Variants in PAX2 observed in about 807,000 individuals in gnomAD.
PAX2 encodes paired box protein Pax-2.
A neutral mutation model predicts 41.7 loss-of-function variants in PAX2; 9 were observed. The ratio of observed to expected loss-of-function variants is 0.22; its 90% CI spans 0.13 to 0.38. PAX2 has a LOEUF of 0.38. Ranked by LOEUF, PAX2 falls within the 10% of genes least tolerant of loss-of-function variation. The probability of loss-of-function intolerance (pLI) is 1.00; values close to 1 mark genes in which losing one functional copy is unlikely to be tolerated. For synonymous variants in PAX2, 221 were observed against 212.7 expected (o/e 1.04, Z -0.34); for missense variants, 418 against 531.6 (o/e 0.79, Z 2.10).
intron 3 of PAX2, among the ~76,000 whole-genome samples, chr10:100,756,918 G>T (rs2133849705): frequency 6.6e-6 from 1 of 152,284 alleles, no homozygotes; most frequent in South Asian, 2.1e-4. Context: ...AGGGGAAAGG[G>T]CTCCTGAAAC....
intron 7 of PAX2, among the ~76,000 whole-genome samples, chr10:100,823,513 A>T (rs1848437217): frequency 2.6e-5 from 4 of 152,186 alleles, no homozygotes; most frequent in Non-Finnish European, 5.9e-5. Context: ...AGCTGATGAA[A>T]AGAAAGTGAA....
intron 7 of PAX2, among the ~76,000 whole-genome samples, chr10:100,823,471 A>C (rs928635321): frequency 1.3e-5 from 2 of 152,194 alleles, no homozygotes; most frequent in African/African-American, 4.8e-5. Context: ...GATGCTTTGG[A>C]ATAGCCATTG....
At position 100,747,094 on chromosome 10, in the gene PAX2, AT is replaced by A. The variant is rs1333285920; in HGVS notation, c.43+792del. 4.6e-5 allele frequency: 7 copies of A among 152,384 alleles called. No homozygotes were observed. In the East Asian group the frequency reaches 1.4e-3, roughly 29 times the overall value. The allele number at this position is 152,384 out of a possible 1,614,324, so 9.4% of individuals were successfully genotyped here. A position where few individuals can be genotyped will look rare whatever the true frequency, so the allele number is the denominator to read the frequency against. ...AAACAAAGAGGGGCTCCGAGAAGAA[AT>A]CGAAGTCAGGGAGAGAGCCAGCAGC... On this transcript the variant is annotated intron_variant, in intron 1 of 9. Transcript: ENST00000355243.
In PAX2 at chr10:100,826,891, C is replaced by A; in HGVS notation, c.1022-118C>A. ...CCGCCCGCCACGGCCATTACCCTGC[C>A]CGCGACACCTGCGCCTGAGACCCGG... On this transcript the variant is annotated intron_variant, in intron 8 of 9. Transcript: ENST00000355243. This position sits in a 1 kb window ranked among gnomAD's most constrained non-coding sequence, Gnocchi z 5.5. The A allele has an allele frequency of 1.3e-6, 1 of 743,326 alleles. No individual in the cohort carries two copies. The highest frequency in any genetic ancestry group is 2.4e-6 in the Non-Finnish European group (1 of 417,548). The allele number at this position is 743,326 out of a possible 1,614,324, so 46.0% of individuals were successfully genotyped here. A position where few individuals can be genotyped will look rare whatever the true frequency, so the allele number is the denominator to read the frequency against.
intron 1 of PAX2, among the ~76,000 whole-genome samples, chr10:100,746,787 T>C (rs1247151285): frequency 2.0e-5 from 3 of 152,124 alleles, no homozygotes; most frequent in African/African-American, 7.2e-5. Flanking sequence ...AACTTAAGAG[T>C]CGTGGGGTCC....
In PAX2 at chr10:100,824,837, G is replaced by A; in HGVS notation, c.1021+88G>A. ...TGAATGGTCTGTAGTCTGAGGCTGG[G>A]GTGGGGGGAGACACAACGTCCCCTC... is the stretch of plus-strand genomic sequence containing the variant. On this transcript the variant is annotated intron_variant, in intron 8 of 9. Coordinates refer to ENST00000355243, the MANE Select transcript of PAX2 (RefSeq NM_000278.5). The surrounding 1 kb of genome is among the most constrained non-coding windows in gnomAD (Gnocchi z 6.6). 2.7e-5 allele frequency: 41 copies of A among 1,514,342 alleles called. No individual in the cohort carries two copies. In the South Asian group the frequency reaches 4.5e-4, roughly 17 times the overall value. 93.8% of individuals were successfully genotyped at this position (1,514,342 alleles called of 1,614,324 possible). A position where few individuals can be genotyped will look rare whatever the true frequency, so the allele number is the denominator to read the frequency against.
At chr10:100,771,806 ATCT>A (rs1846219260) in intron 3 of PAX2, among the ~76,000 whole-genome samples, 1 of 146,792 alleles carries the variant, frequency 6.8e-6, no homozygotes, top group Admixed American at 6.8e-5. Context: ...TGAAGCAAAT[ATCT>A]TCTTTTTTTT....
chr10:100,780,439 C>T (rs1243750631), intron 4 of PAX2, among the ~76,000 whole-genome samples: 1 of 152,174 alleles, frequency 6.6e-6, no homozygotes, highest in Non-Finnish European at 1.5e-5. Context: ...GCAGTTGTCT[C>T]CTTCTGTCTT....
chr10:100,778,643 G>A (rs1846487460), intron 3 of PAX2, among the ~76,000 whole-genome samples: 2 of 152,114 alleles, frequency 1.3e-5, no homozygotes, highest in South Asian at 4.1e-4. Flanking sequence ...CTCCGTCTTG[G>A]CCCTGGGACT....
rs1376747751 is a variant in PAX2 at position 100,824,087 on chromosome 10, C to A, written c.920-561C>A. On this transcript the variant is annotated intron_variant, in intron 7 of 9. Coordinates refer to ENST00000355243, the MANE Select transcript of PAX2 (RefSeq NM_000278.5). The surrounding 1 kb of genome is among the most constrained non-coding windows in gnomAD (Gnocchi z 6.6). ...ACTGGCTGCCCCCCTGCTCTCCACA[C>A]CTGCCAGGACCAGGACCTGCAGCTC... Among the ~76,000 whole-genome samples the A allele has an allele frequency of 1.8e-4, 27 of 152,272 alleles. No individual in the cohort carries two copies.
At position 100,820,703 on chromosome 10, in the gene PAX2, G is replaced by A. The variant is rs568848200; in HGVS notation, c.920-3945G>A. On this transcript the variant is annotated intron_variant, in intron 7 of 9. Coordinates refer to ENST00000355243, the MANE Select transcript of PAX2 (RefSeq NM_000278.5). ...CATTCCAGCCTGGGCGATAGAGCGA[G>A]ACTTCATCTCAAAAAACGAAAAACA... Among the ~76,000 whole-genome samples, 13 of 152,350 alleles carry A rather than the reference G, an allele frequency of 8.5e-5. No individual in the cohort carries two copies. In the East Asian group the frequency reaches 2.5e-3, roughly 29 times the overall value.
At chr10:100,798,746 C>G (rs1401834023) in intron 5 of PAX2, among the ~76,000 whole-genome samples, 1 of 152,096 alleles carries the variant, frequency 6.6e-6, no homozygotes, top group Non-Finnish European at 1.5e-5. Context: ...CTCCCCCACC[C>G]AATCCATCAA....
Position 100,805,023 on chromosome 10 carries a change from TACACACACACACACACACAC to T in PAX2, c.617-1374_617-1355del, listed in dbSNP as rs3978747. On this transcript the variant is annotated intron_variant, in intron 5 of 9. Coordinates refer to ENST00000355243, the MANE Select transcript of PAX2 (RefSeq NM_000278.5). ...CTTCTCTCTCTCTCTCTCTCTCACA[TACACACACACACACACACAC>T]ACACACACACACACACACACACACA... Among the ~76,000 whole-genome samples the T allele has an allele frequency of 2.5e-3, 233 of 95,022 alleles. 1 individual carries two copies. The highest frequency in any genetic ancestry group is 4.1e-3 in the Admixed American group (39 of 9,494). The allele number at this position is 95,022 out of a possible 152,430, so 62.3% of individuals were successfully genotyped here.
intron 8 of PAX2, chr10:100,825,056 C>G: frequency 8.4e-7 from 1 of 1,192,096 alleles, no homozygotes; most frequent in Non-Finnish European, 1.3e-6. Flanking sequence ...CTCAGCTCCA[C>G]CCTCAGTGCC....
intron 6 of PAX2, among the ~76,000 whole-genome samples, chr10:100,808,235 T>G (rs1188355195): frequency 3.9e-5 from 6 of 152,076 alleles, no homozygotes; most frequent in African/African-American, 1.4e-4. Flanking sequence ...AAGGCCTAAT[T>G]TGCAGCTAAT....
intron 3 of PAX2, among the ~76,000 whole-genome samples, chr10:100,751,102 C>T (rs1173571882): frequency 1.3e-5 from 2 of 152,132 alleles, no homozygotes; most frequent in African/African-American, 4.8e-5. Flanking sequence ...TGGGTATTCC[C>T]TGCCAGGCTT....
intron 5 of PAX2, among the ~76,000 whole-genome samples, chr10:100,794,573 C>T (rs1326987473): frequency 6.6e-6 from 1 of 152,178 alleles, no homozygotes; most frequent in African/African-American, 2.4e-5. Flanking sequence ...GGAGTTCCCT[C>T]ACCATCCTGG....
intron 5 of PAX2, among the ~76,000 whole-genome samples, chr10:100,786,201 C>G (rs772960899): frequency 6.6e-5 from 10 of 152,196 alleles, no homozygotes; most frequent in Non-Finnish European, 1.3e-4. Context: ...CCGGATGGGA[C>G]CAGCGCAGTG....
intron 4 of PAX2, among the ~76,000 whole-genome samples, chr10:100,780,073 C>T (rs1325221421): frequency 3.3e-5 from 5 of 151,782 alleles, no homozygotes; most frequent in African/African-American, 9.7e-5. Context: ...CTCCCTCTGC[C>T]CTTCCCTCTC....
Sources: allele counts gnomAD v4.1 joint callset (sites outside exome capture counted in the v4.1 genomes callset), GRCh38; gene constraint gnomAD v4.1.1; non-coding constraint Gnocchi (gnomAD v3.1); transcripts MANE v1.5; gene names NCBI Gene and HGNC (gene_info 2026-07-23, HGNC 2026-07-21).